The following CLSTN2 variants were observed in gnomAD, a reference collection of about 807,000 sequenced individuals.
CLSTN2 encodes the protein calsyntenin 2, also known as calsyntenin-2.
In CLSTN2, 48 loss-of-function variants were observed where a neutral mutation model predicts 101.2. The observed-to-expected ratio is 0.47, with a 90% CI of 0.38 to 0.60. The LOEUF (loss-of-function observed/expected upper bound fraction) is 0.60. Ranked by LOEUF, CLSTN2 falls within the 20% of genes least tolerant of loss-of-function variation. CLSTN2 has a pLI of 0.00. For synonymous variants in CLSTN2, 481 were observed against 463.6 expected (o/e 1.04, Z -0.48); for missense variants, 1,160 against 1,238.2 (o/e 0.94, Z 0.95).
At chr3:140,403,582 C>T (rs1011288697) in intron 2 of CLSTN2, 47 bp from the exon 3 acceptor site, 7 of 1,474,592 alleles carry the variant, frequency 4.7e-6, no homozygotes, top group African/African-American at 1.4e-5. Flanking sequence ...TGTCTTCAGT[C>T]TGGCAATTCT....
At chr3:139,977,936 TTC>T (rs1312912826) in intron 1 of CLSTN2, among the ~76,000 whole-genome samples, 18 of 152,320 alleles carry the variant, frequency 1.2e-4, no homozygotes, top group Non-Finnish European at 2.2e-4. Flanking sequence ...GCTGGCCTGT[TTC>T]TGTGATGCAT....
chr3:140,064,217 A>G (rs2008260054), intron 1 of CLSTN2, among the ~76,000 whole-genome samples: 1 of 152,218 alleles, frequency 6.6e-6, no homozygotes, highest in South Asian at 2.1e-4. Context: ...GACCTAAGAC[A>G]GGCCATCAAC....
chr3:140,455,932 C>G (rs918613719), intron 6 of CLSTN2, among the ~76,000 whole-genome samples: 1 of 152,222 alleles, frequency 6.6e-6, no homozygotes, highest in Non-Finnish European at 1.5e-5. Context: ...GCCGCTCCCC[C>G]TCAGCAGGGA....
intron 8 of CLSTN2, chr3:140,507,577 T>C: frequency 6.6e-6 from 1 of 152,316 alleles, no homozygotes; most frequent in Non-Finnish European, 1.5e-5. Context: ...CTTTGCTTGT[T>C]CTGTCTGCCT....
intron 2 of CLSTN2, among the ~76,000 whole-genome samples, chr3:140,347,736 A>G (rs760250173): frequency 1.3e-5 from 2 of 152,230 alleles, no homozygotes; most frequent in Non-Finnish European, 2.9e-5. Context: ...TCATAGATCT[A>G]CTACATATAT....
chr3:139,990,119 G>A (rs1936092472), intron 1 of CLSTN2, among the ~76,000 whole-genome samples: 1 of 152,156 alleles, frequency 6.6e-6, no homozygotes, highest in African/African-American at 2.4e-5. Flanking sequence ...TGATTGTGCT[G>A]TTATTTTAAC....
intron 1 of CLSTN2, among the ~76,000 whole-genome samples, chr3:139,982,368 A>ATT (rs11452770): frequency 2.6e-5 from 4 of 151,122 alleles, no homozygotes; most frequent in East Asian, 1.9e-4. Context: ...AACATCTTAA[A>ATT]TTTTTTTTTA....
At chr3:140,279,687 C>T (rs115920471) in intron 2 of CLSTN2, among the ~76,000 whole-genome samples, 1,648 of 152,262 alleles carry the variant, frequency 0.011, 38 homozygotes, top group African/African-American at 0.038. Context: ...CAGCAGCCCG[C>T]CTTCTATGTC....
chr3:140,546,415 A>G (rs541437865), intron 9 of CLSTN2, 100 bp from the exon 10 acceptor site: 2 of 1,244,956 alleles, frequency 1.6e-6, no homozygotes, highest in African/African-American at 3.0e-5. Context: ...TTCAGGGGAC[A>G]CACAATCAAG....
intron 1 of CLSTN2, among the ~76,000 whole-genome samples, chr3:140,135,137 T>C (rs1234346702): frequency 8.5e-4 from 102 of 119,674 alleles, no homozygotes; most frequent in Middle Eastern, 7.9e-3. Context: ...TATATATATA[T>C]ATATATATAT....
chr3:140,249,452 G>C (rs1456249878), intron 2 of CLSTN2, among the ~76,000 whole-genome samples: 1 of 152,146 alleles, frequency 6.6e-6, no homozygotes, highest in Non-Finnish European at 1.5e-5. Context: ...AAATGACAAG[G>C]CAAGGTTGGG....
intron 1 of CLSTN2, among the ~76,000 whole-genome samples, chr3:140,000,224 C>T (rs923782530): frequency 3.3e-5 from 5 of 152,150 alleles, no homozygotes; most frequent in Non-Finnish European, 5.9e-5. Flanking sequence ...TGACATATAG[C>T]GGGCACTCAG....
chr3:140,239,835 T>G (rs1009877666), intron 2 of CLSTN2, among the ~76,000 whole-genome samples: 1 of 151,992 alleles, frequency 6.6e-6, no homozygotes, highest in African/African-American at 2.4e-5. Context: ...TGATAAAATA[T>G]GAAAAAATAT....
At chr3:140,021,527 T>A (rs2007316227) in intron 1 of CLSTN2, among the ~76,000 whole-genome samples, 1 of 152,112 alleles carries the variant, frequency 6.6e-6, no homozygotes, top group Admixed American at 6.5e-5. Flanking sequence ...GAACCACCGG[T>A]GTGTACCTGG....
intron 1 of CLSTN2, among the ~76,000 whole-genome samples, chr3:140,126,223 G>A (rs1320008027): frequency 6.6e-6 from 1 of 152,170 alleles, no homozygotes; most frequent in African/African-American, 2.4e-5. Flanking sequence ...CCAAAATGAA[G>A]ACAGGAGAGG....
intron 8 of CLSTN2, among the ~76,000 whole-genome samples, chr3:140,484,911 T>C (rs1035909038): frequency 2.0e-5 from 3 of 152,230 alleles, no homozygotes; most frequent in Non-Finnish European, 4.4e-5. Flanking sequence ...TCGAACTTCC[T>C]CCTTTAGCTC....
chr3:140,209,755 G>A (rs937590289), intron 2 of CLSTN2, among the ~76,000 whole-genome samples: 1 of 152,112 alleles, frequency 6.6e-6, no homozygotes, highest in Non-Finnish European at 1.5e-5. Flanking sequence ...AACTGGAGAG[G>A]ACAAGTAACA....
At chr3:140,277,089 C>T (rs375843521) in intron 2 of CLSTN2, among the ~76,000 whole-genome samples, 7 of 152,262 alleles carry the variant, frequency 4.6e-5, no homozygotes, top group East Asian at 3.9e-4. Context: ...AGACTGAGCA[C>T]GCTAAATTGG....
intron 2 of CLSTN2, among the ~76,000 whole-genome samples, chr3:140,234,207 A>C (rs963717100): frequency 6.6e-6 from 1 of 152,200 alleles, no homozygotes; most frequent in Non-Finnish European, 1.5e-5. Flanking sequence ...TTCTTTGATA[A>C]AGCTTTATGT....
Sources: gnomAD v4.1 joint callset for allele counts (sites outside exome capture counted in the v4.1 genomes callset) on GRCh38, gnomAD v4.1.1 for gene constraint, MANE v1.5 for transcripts, NCBI Gene and HGNC (gene_info 2026-07-23, HGNC 2026-07-21) for gene names.